Variants in EDIL3 observed in about 807,000 individuals in gnomAD.
EDIL3 encodes EGF like and discoidin domains 3.
Under a neutral mutation model 67.4 loss-of-function variants are expected in EDIL3, and 37 were observed. The observed-to-expected ratio is 0.55, with a 90% CI of 0.42 to 0.72. EDIL3 has a LOEUF of 0.72. Ranked by LOEUF, EDIL3 falls within the 30% of genes least tolerant of loss-of-function variation. EDIL3 has a pLI of 0.00. For missense variants in EDIL3, 527 were observed against 586.3 expected, an observed-to-expected ratio of 0.90 and a Z score of 1.04; for synonymous variants, 195 against 196.3, an observed-to-expected ratio of 0.99 and a Z score of 0.05.
chr5:84,281,562 G>C (rs1167024408), intron 1 of EDIL3, among the ~76,000 whole-genome samples: 2 of 152,166 alleles, frequency 1.3e-5, no homozygotes, highest in Non-Finnish European at 2.9e-5. Context: ...GTTTGTGGGT[G>C]ACATCTGTGA....
At chr5:83,946,240 C>A (rs1215361187) in intron 10 of EDIL3, among the ~76,000 whole-genome samples, 1 of 151,876 alleles carries the variant, frequency 6.6e-6, no homozygotes, top group Non-Finnish European at 1.5e-5. Context: ...GAGAAAGACA[C>A]AGTTCAATTT....
chr5:84,296,841 GGTCTATTATCCA>G (rs1433705623), intron 1 of EDIL3, among the ~76,000 whole-genome samples: 1 of 152,008 alleles, frequency 6.6e-6, no homozygotes, highest in Non-Finnish European at 1.5e-5. Flanking sequence ...ATCTGACAAA[GGTCTATTATCCA>G]GAATCTACAA....
intron 5 of EDIL3, among the ~76,000 whole-genome samples, chr5:84,126,392 C>G (rs1023613440): frequency 1.3e-5 from 2 of 151,978 alleles, no homozygotes; most frequent in Admixed American, 1.3e-4. Flanking sequence ...CCTAAAGACC[C>G]TTCTCAGAAT....
At chr5:84,244,677 G>A (rs1744871872) in intron 2 of EDIL3, among the ~76,000 whole-genome samples, 1 of 152,110 alleles carries the variant, frequency 6.6e-6, no homozygotes, top group African/African-American at 2.4e-5. Context: ...GGAAAGATGA[G>A]AACAAAGGCT....
At chr5:84,247,030 AAACAT>A (rs1321143749) in intron 2 of EDIL3, among the ~76,000 whole-genome samples, 1 of 152,214 alleles carries the variant, frequency 6.6e-6, no homozygotes, top group Admixed American at 6.5e-5. Context: ...AAAAGTAAGT[AAACAT>A]AACTGTGAAA....
At chr5:83,977,061 G>A (rs767207631) in intron 9 of EDIL3, among the ~76,000 whole-genome samples, 4 of 151,624 alleles carry the variant, frequency 2.6e-5, no homozygotes, top group Middle Eastern at 6.8e-3. Context: ...TATACTTATC[G>A]CTTGGTAAAG....
At chr5:84,273,314 A>C (rs2112098716) in intron 1 of EDIL3, among the ~76,000 whole-genome samples, 1 of 152,242 alleles carries the variant, frequency 6.6e-6, no homozygotes, top group Non-Finnish European at 1.5e-5. Flanking sequence ...GCCAAAGAGA[A>C]AGGGATTTCC....
intron 3 of EDIL3, among the ~76,000 whole-genome samples, chr5:84,211,314 G>A (rs966999440): frequency 2.0e-5 from 3 of 151,968 alleles, no homozygotes; most frequent in Non-Finnish European, 2.9e-5. Flanking sequence ...CTCCTTTCTC[G>A]CCCTGTAATG....
At chr5:83,958,366 TAGAG>T in intron 10 of EDIL3, among the ~76,000 whole-genome samples, 1 of 151,674 alleles carries the variant, frequency 6.6e-6, no homozygotes, top group Non-Finnish European at 1.5e-5. Flanking sequence ...ACTACTGAAT[TAGAG>T]AGTTCACCAA....
chr5:84,266,118 A>G (rs1308171070), intron 1 of EDIL3, among the ~76,000 whole-genome samples: 3 of 152,202 alleles, frequency 2.0e-5, no homozygotes, highest in African/African-American at 7.2e-5. Context: ...TACCAAATAA[A>G]ATGTGACTTG....
At chr5:84,294,760 C>G (rs1266915667) in intron 1 of EDIL3, among the ~76,000 whole-genome samples, 1 of 152,140 alleles carries the variant, frequency 6.6e-6, no homozygotes, top group East Asian at 1.9e-4. Flanking sequence ...TACTGAGTGT[C>G]AGGTGCTGTG....
At chr5:84,296,720 TA>T (rs1746058271) in intron 1 of EDIL3, among the ~76,000 whole-genome samples, 1 of 152,176 alleles carries the variant, frequency 6.6e-6, no homozygotes, top group Non-Finnish European at 1.5e-5. Context: ...AACTTCATCA[TA>T]AAATCTCTGC....
intron 4 of EDIL3, among the ~76,000 whole-genome samples, chr5:84,142,388 G>A (rs1371050731): frequency 6.6e-6 from 1 of 152,124 alleles, no homozygotes; most frequent in African/African-American, 2.4e-5. Context: ...CATCTCTGGA[G>A]ACTTTTAAAA....
chr5:83,954,378 G>C (rs1744475220), intron 10 of EDIL3, among the ~76,000 whole-genome samples: 1 of 151,682 alleles, frequency 6.6e-6, no homozygotes, highest in Non-Finnish European at 1.5e-5. Flanking sequence ...TGGGTCATGG[G>C]GGCAGATCCC....
At chr5:84,045,725 C>T (rs1432412928) in intron 9 of EDIL3, among the ~76,000 whole-genome samples, 2 of 152,252 alleles carry the variant, frequency 1.3e-5, no homozygotes, top group Admixed American at 6.5e-5. Context: ...CGAACAAAGA[C>T]ATTAGACATT....
intron 9 of EDIL3, among the ~76,000 whole-genome samples, chr5:84,005,012 A>C (rs1223233974): frequency 6.6e-6 from 1 of 152,120 alleles, no homozygotes; most frequent in African/African-American, 2.4e-5. Flanking sequence ...ATGCCATTAC[A>C]ATTGATTCCG....
intron 9 of EDIL3, among the ~76,000 whole-genome samples, chr5:84,002,752 A>G (rs1409861748): frequency 1.3e-5 from 2 of 152,230 alleles, no homozygotes; most frequent in African/African-American, 4.8e-5. Context: ...CTGACATTGC[A>G]ACTGCAGAGG....
At chr5:84,141,768 A>G (rs1437303347) in intron 4 of EDIL3, among the ~76,000 whole-genome samples, 4 of 149,302 alleles carry the variant, frequency 2.7e-5, no homozygotes, top group African/African-American at 9.7e-5. Flanking sequence ...CTTTATCGGT[A>G]TGTCATACAT....
chr5:83,994,359 A>G (rs1303423537), intron 9 of EDIL3, among the ~76,000 whole-genome samples: 1 of 143,434 alleles, frequency 7.0e-6, no homozygotes, highest in Non-Finnish European at 1.5e-5. Context: ...ACAGAAATCC[A>G]ATGGGAACAA....
Sources: allele counts gnomAD v4.1 joint callset (sites outside exome capture counted in the v4.1 genomes callset), GRCh38; gene constraint gnomAD v4.1.1; transcripts MANE v1.5; gene names NCBI Gene and HGNC (gene_info 2026-07-23, HGNC 2026-07-21).